ZNF565: variants seen among roughly 807,000 people sequenced by gnomAD.
ZNF565 encodes zinc finger protein 565.
A neutral mutation model predicts 39.4 loss-of-function variants in ZNF565; 27 were observed. The observed-to-expected ratio is 0.69, with a 90% CI of 0.51 to 0.95. ZNF565 has a LOEUF of 0.95. ZNF565 is among the 40% of genes least tolerant of loss of function. The pLI, the probability that ZNF565 is intolerant of heterozygous loss-of-function variation, is 0.00. For synonymous variants in ZNF565, 185 were observed against 216.6 expected (o/e 0.85, Z 1.28); for missense variants, 524 against 621.1 (o/e 0.84, Z 1.66).
chr19:36,244,169 CTT>C (rs1411523712), intron 1 of ZNF565, among the ~76,000 whole-genome samples: 1 of 152,122 alleles, frequency 6.6e-6, no homozygotes, highest in African/African-American at 2.4e-5. Flanking sequence ...GGTGTCCTCT[CTT>C]TCTCTCTCTC....
intron 3 of ZNF565, 133 bp downstream of exon 3, chr19:36,194,896 TG>T (rs1568415670): frequency 1.4e-6 from 2 of 1,389,088 alleles, no homozygotes; most frequent in Admixed American, 1.9e-5. Flanking sequence ...CCTCTCTCTA[TG>T]GCTGTAGTTT....
chr19:36,204,361 CAG>C (rs1976075937), intron 1 of ZNF565, among the ~76,000 whole-genome samples: 1 of 152,114 alleles, frequency 6.6e-6, no homozygotes, highest in Admixed American at 6.6e-5. Flanking sequence ...AGAAAAGGGA[CAG>C]AGAATATTGT....
intron 1 of ZNF565, among the ~76,000 whole-genome samples, chr19:36,212,697 G>T (rs1321538649): frequency 6.6e-6 from 1 of 151,902 alleles, no homozygotes; most frequent in Non-Finnish European, 1.5e-5. Flanking sequence ...GAAAAGTAAA[G>T]AAAAAAATTT....
intron 4 of ZNF565, among the ~76,000 whole-genome samples, chr19:36,187,886 C>T (rs1195037998): frequency 6.6e-6 from 1 of 151,644 alleles, no homozygotes; most frequent in African/African-American, 2.4e-5. Context: ...GATCTGCCCA[C>T]CTCGGCCTCC....
chr19:36,194,263 C>A lies in ZNF565; in HGVS notation c.202G>T (p.Ala68Ser), dbSNP rs1393771722. Reference protein sequence around the residue: ...LEQGKEPWMIANDVTGPWCPD... With the variant: ...LEQGKEPWMISNDVTGPWCPD... ...CACCATGGTCCTGTCACATCATTTGCAATCATCCAGGGCTCTTTCCCTTGC... is the reference window on the plus strand; with the variant it reads ...CACCATGGTCCTGTCACATCATTTGAAATCATCCAGGGCTCTTTCCCTTGC... Residue 68 changes from alanine (A) to serine (S), a missense_variant, in exon 4 of 5, where the codon GCA becomes TCA. Coordinates refer to ENST00000304116, the MANE Select transcript of ZNF565 (RefSeq NM_152477.5). 6.2e-7 allele frequency: 1 copy of A among 1,612,836 alleles called. No homozygotes were observed.
At chr19:36,225,908 G>T (rs1047840920) in intron 1 of ZNF565, among the ~76,000 whole-genome samples, 17 of 151,840 alleles carry the variant, frequency 1.1e-4, no homozygotes, top group African/African-American at 4.1e-4. Flanking sequence ...CTACAGGCAT[G>T]TACCACCCCA....
chr19:36,201,028 A>C (rs1975945148), intron 2 of ZNF565, among the ~76,000 whole-genome samples: 1 of 152,140 alleles, frequency 6.6e-6, no homozygotes, highest in Non-Finnish European at 1.5e-5. Flanking sequence ...TAAAAATAGA[A>C]TAAAGAATAA....
chr19:36,212,084 G>A (rs1338525931), intron 1 of ZNF565, among the ~76,000 whole-genome samples: 1 of 152,200 alleles, frequency 6.6e-6, no homozygotes, highest in Admixed American at 6.5e-5. Flanking sequence ...CACTCATAGT[G>A]TAACGAATTG....
rs761545247 is a variant in ZNF565 at position 36,182,710 on chromosome 19, T to C, written c.1256A>G (p.Tyr419Cys). 4 of 1,613,994 alleles carry C rather than the reference T, an allele frequency of 2.5e-6. No individual in the cohort carries two copies. Among genetic ancestry groups the C allele is most frequent in the East Asian group, 2.2e-5 (1 of 44,876 alleles). Reference protein sequence around the residue: ...HQRIHTGDKPYECKECGKAFI... With the variant: ...HQRIHTGDKPCECKECGKAFI... The stretch of plus-strand genomic sequence containing the variant: ...GGCCTTCCCACATTCCTTACATTCG[T>C]AGGGTTTGTCACCTGTATGAATTCT... The change falls in exon 5 of 5, where the codon TAC (tyrosine) becomes TGC (cysteine). Residue 419 changes from tyrosine to cysteine, a missense_variant. Physicochemically the swap from Tyr to Cys is radical, Grantham distance 194. Coordinates refer to ENST00000304116, the MANE Select transcript of ZNF565 (RefSeq NM_152477.5).
chr19:36,224,207 C>G (rs991150706), intron 1 of ZNF565, among the ~76,000 whole-genome samples: 6 of 152,140 alleles, frequency 3.9e-5, no homozygotes, highest in African/African-American at 1.4e-4. Flanking sequence ...TATGGAGAAA[C>G]CCTGTCTCTA....
Position 36,183,494 on chromosome 19 carries a change from G to A in ZNF565, c.472C>T (p.Gln158Ter), listed in dbSNP as rs553771066. 6.2e-7 allele frequency: 1 copy of A among 1,614,210 alleles called. No individual in the cohort carries two copies. Among genetic ancestry groups the A allele is most frequent in the East Asian group, 2.2e-5 (1 of 44,888 alleles). ...FQHHTSHTVR[Q>*]SRETGEKLME... ...AGTTTCTCACCAGTCTCCCTGCTCTGACGTACAGTGTGAGACGTGTGATGC... is the reference window on the plus strand; with the variant it reads ...AGTTTCTCACCAGTCTCCCTGCTCTAACGTACAGTGTGAGACGTGTGATGC... Residue 158 changes from glutamine (Q) to a stop codon, truncating the protein, a stop_gained, in exon 5 of 5, where the codon CAG becomes TAG. Coordinates refer to ENST00000304116, the MANE Select transcript of ZNF565 (RefSeq NM_152477.5). LOFTEE classifies it high-confidence loss of function.
At chr19:36,193,976 C>T (rs1975666742) in intron 4 of ZNF565, among the ~76,000 whole-genome samples, 1 of 152,044 alleles carries the variant, frequency 6.6e-6, no homozygotes, top group South Asian at 2.1e-4. Context: ...AAGTTGGCCA[C>T]TGGGGAAGAA....
chr19:36,184,407 A>T (rs1004708724), intron 4 of ZNF565, among the ~76,000 whole-genome samples: 3 of 151,946 alleles, frequency 2.0e-5, no homozygotes, highest in Non-Finnish European at 4.4e-5. Context: ...CTGGGATTAC[A>T]GGCACTGCTA....
At chr19:36,240,093 G>T (rs1030864464) in intron 1 of ZNF565, among the ~76,000 whole-genome samples, 3 of 152,186 alleles carry the variant, frequency 2.0e-5, no homozygotes, top group African/African-American at 7.2e-5. Flanking sequence ...ACATTTAAAG[G>T]TGTTGTCTTT....
In ZNF565 at chr19:36,194,229, T is replaced by C; in HGVS notation, c.232+4A>G. The C allele has an allele frequency of 6.2e-7, 1 of 1,609,350 alleles. No homozygotes were observed. The highest frequency in any genetic ancestry group is 1.1e-5 in the South Asian group (1 of 90,072). On this transcript the variant is annotated splice_donor_region_variant and intron_variant, in intron 4 of 4. Transcript: ENST00000304116. ...TTCCCCTGTCGAAATCGGCCCTCGC[T>C]TACCTGGGCACCATGGTCCTGTCAC...
intron 1 of ZNF565, chr19:36,235,678 T>G (rs1419431439): frequency 6.6e-6 from 1 of 152,222 alleles, no homozygotes; most frequent in Non-Finnish European, 1.5e-5. Flanking sequence ...GAGAAGATGA[T>G]GCACAGATAG....
At chr19:36,231,302 C>T (rs376815656) in intron 1 of ZNF565, among the ~76,000 whole-genome samples, 14 of 152,076 alleles carry the variant, frequency 9.2e-5, no homozygotes, top group Admixed American at 6.6e-5. Flanking sequence ...CTCTGCCTCC[C>T]GGGTTCAAGT....
rs1309742542 is a variant in ZNF565 at position 36,202,068 on chromosome 19, G to T, written c.-65-18C>A. 1 of 1,420,932 alleles carries T rather than the reference G, an allele frequency of 7.0e-7. No homozygotes were observed. The highest frequency in any genetic ancestry group is 1.4e-5 in the African/African-American group (1 of 71,090). 88.0% of individuals were successfully genotyped at this position (1,420,932 alleles called of 1,614,324 possible). A position where few individuals can be genotyped will look rare whatever the true frequency, so the allele number is the denominator to read the frequency against. On this transcript the variant is annotated intron_variant, in intron 1 of 4. Coordinates refer to ENST00000304116, the MANE Select transcript of ZNF565 (RefSeq NM_152477.5). ...GCAGAGTCCTGAAAAAGCAAAATGG[G>T]GGGAGATGGGGTAACCTCTGATAAA...
chr19:36,227,616 G>A (rs1210112826), intron 1 of ZNF565, among the ~76,000 whole-genome samples: 1 of 152,076 alleles, frequency 6.6e-6, no homozygotes, highest in East Asian at 1.9e-4. Context: ...TTTATGACAA[G>A]GTCTCACTCT....
Sources: gnomAD v4.1 joint callset for allele counts (sites outside exome capture counted in the v4.1 genomes callset) on GRCh38, gnomAD v4.1.1 for gene constraint, MANE v1.5 for transcripts, NCBI Gene and HGNC (gene_info 2026-07-23, HGNC 2026-07-21) for gene names.